Variants in CSNK1G1 observed in about 807,000 individuals in gnomAD.
The protein encoded by CSNK1G1 is casein kinase 1 gamma 1.
A neutral mutation model predicts 59.6 loss-of-function variants in CSNK1G1; 22 were observed. The observed-to-expected ratio is 0.37, with a 90% CI of 0.26 to 0.53. The LOEUF (loss-of-function observed/expected upper bound fraction) is 0.53. CSNK1G1 is among the 20% of genes least tolerant of loss of function. The probability of loss-of-function intolerance (pLI) is 0.89; values close to 1 mark genes in which losing one functional copy is unlikely to be tolerated. For missense variants in CSNK1G1, 384 were observed against 519.5 expected (o/e 0.74, Z 2.54); for synonymous variants, 179 against 177.1 (o/e 1.01, Z -0.08).
At chr15:64,275,337 A>G (rs1893549215) in intron 2 of CSNK1G1, among the ~76,000 whole-genome samples, 1 of 152,184 alleles carries the variant, frequency 6.6e-6, no homozygotes, top group Non-Finnish European at 1.5e-5. Context: ...CCCGGCCCAA[A>G]GAGCATCTCT....
At chr15:64,226,584 C>CCA (rs2082465897) in intron 4 of CSNK1G1, among the ~76,000 whole-genome samples, 24 of 118,942 alleles carry the variant, frequency 2.0e-4, no homozygotes, top group African/African-American at 7.3e-4. Context: ...ACAAACAAAC[C>CCA]AAAAAAAAAA....
At chr15:64,182,986 T>C (rs1596057266) in intron 10 of CSNK1G1, among the ~76,000 whole-genome samples, 2 of 152,250 alleles carry the variant, frequency 1.3e-5, no homozygotes, top group East Asian at 1.9e-4. Flanking sequence ...TCTGGCTGCA[T>C]ACCAGTGATA....
intron 2 of CSNK1G1, among the ~76,000 whole-genome samples, chr15:64,281,120 C>T (rs926342878): frequency 6.6e-6 from 1 of 152,174 alleles, no homozygotes; most frequent in African/African-American, 2.4e-5. Context: ...ACCTCATGAT[C>T]CGCCTGCCTC....
intron 1 of CSNK1G1, among the ~76,000 whole-genome samples, chr15:64,335,601 A>C (rs1326601634): frequency 6.6e-6 from 1 of 152,196 alleles, no homozygotes; most frequent in Non-Finnish European, 1.5e-5. Flanking sequence ...ATGAATATTT[A>C]CTTTGTGATT....
At position 64,193,482 on chromosome 15, in the gene CSNK1G1, A is replaced by G. The variant is rs547838015; in HGVS notation, c.1107+9600T>C. On this transcript the variant is annotated intron_variant, in intron 10 of 11. Transcript: ENST00000303052. ...ACTCCAGCCTGGGCAACAGAGTGAG[A>G]CTCTGTCTCAAAAAAAAAAAAGTAT... 3.9e-5 allele frequency among the ~76,000 whole-genome samples: 3 copies of G among 77,664 alleles called. No homozygotes were observed. The East Asian group carries it at 1.0e-3, about 27-fold the overall frequency. The allele number at this position is 77,664 out of a possible 152,430, so 51.0% of individuals were successfully genotyped here. A position where few individuals can be genotyped will look rare whatever the true frequency, so the allele number is the denominator to read the frequency against.
Position 64,171,663 on chromosome 15 carries a change from G to C in CSNK1G1, c.*268C>G. 1.9e-6 allele frequency: 1 copy of C among 533,354 alleles called. No individual in the cohort carries two copies. Among genetic ancestry groups the C allele is most frequent in the South Asian group, 2.4e-5 (1 of 41,098 alleles). The allele number at this position is 533,354 out of a possible 1,614,324, so 33.0% of individuals were successfully genotyped here. On this transcript the variant is annotated 3_prime_UTR_variant, in exon 12 of 12. Transcript: ENST00000303052. This position sits in a 1 kb window ranked among gnomAD's most constrained non-coding sequence, Gnocchi z 4.8. ...CACCTTCACTGTAAACAATGGGAAG[G>C]AGAGTCAACCAGGCAGCCCTATGGG...
chr15:64,329,221 AT>A (rs1896997296), intron 1 of CSNK1G1, among the ~76,000 whole-genome samples: 1 of 151,890 alleles, frequency 6.6e-6, no homozygotes, highest in South Asian at 2.1e-4. Flanking sequence ...CAGAATATAC[AT>A]TTTTTTCAGC....
At chr15:64,236,757 C>G (rs1472313985) in intron 4 of CSNK1G1, among the ~76,000 whole-genome samples, 1 of 152,140 alleles carries the variant, frequency 6.6e-6, no homozygotes, top group Non-Finnish European at 1.5e-5. Context: ...AAAAATAGAA[C>G]TACTATTGGA....
chr15:64,173,285 T>A (rs1002201322), intron 11 of CSNK1G1, among the ~76,000 whole-genome samples: 1 of 152,218 alleles, frequency 6.6e-6, no homozygotes, highest in African/African-American at 2.4e-5. Flanking sequence ...TATAAAAAAC[T>A]GGAGAAAGTT....
intron 10 of CSNK1G1, among the ~76,000 whole-genome samples, chr15:64,193,306 AC>A (rs1318679140): frequency 6.6e-6 from 1 of 151,998 alleles, no homozygotes; most frequent in Non-Finnish European, 1.5e-5. Flanking sequence ...CCTGGCCAAC[AC>A]GGTGAAACCC....
chr15:64,305,069 T>A (rs1018301), intron 1 of CSNK1G1, among the ~76,000 whole-genome samples: 133,860 of 151,780 alleles, frequency 0.88, 59,643 homozygotes, highest in Non-Finnish European at 0.95. Context: ...CTTTTTTTTT[T>A]AAATTATGTT....
chr15:64,201,544 AC>A (rs2082107683), intron 10 of CSNK1G1, among the ~76,000 whole-genome samples: 1 of 152,098 alleles, frequency 6.6e-6, no homozygotes, highest in African/African-American at 2.4e-5. Context: ...AGTTTGCTTA[AC>A]CCTTTCTTTT....
chr15:64,172,100 G>A, intron 11 of CSNK1G1, 115 bp from the exon 12 acceptor site: 1 of 891,752 alleles, frequency 1.1e-6, no homozygotes, highest in Non-Finnish European at 1.9e-6. Context: ...CCACCCATAG[G>A]GACCACCCAC....
chr15:64,227,428 C>T (rs1460604807), intron 4 of CSNK1G1, among the ~76,000 whole-genome samples: 1 of 152,174 alleles, frequency 6.6e-6, no homozygotes, highest in African/African-American at 2.4e-5. Context: ...AACAACTATG[C>T]AGAATTACTT....
intron 1 of CSNK1G1, among the ~76,000 whole-genome samples, chr15:64,313,493 C>T (rs1289027114): frequency 2.0e-5 from 3 of 152,076 alleles, no homozygotes; most frequent in Admixed American, 2.0e-4. Context: ...AGCAAACTAA[C>T]ACAAGAACAG....
At chr15:64,208,005 G>C (rs2082204819) in intron 6 of CSNK1G1, among the ~76,000 whole-genome samples, 1 of 152,156 alleles carries the variant, frequency 6.6e-6, no homozygotes, top group Admixed American at 6.5e-5. Flanking sequence ...TGTTAAAACA[G>C]TCCATTCTGG....
chr15:64,217,849 A>T (rs1051616971), intron 4 of CSNK1G1, among the ~76,000 whole-genome samples: 1 of 152,120 alleles, frequency 6.6e-6, no homozygotes, highest in African/African-American at 2.4e-5. Context: ...GAACACTTAA[A>T]AAATTATCTG....
intron 2 of CSNK1G1, among the ~76,000 whole-genome samples, chr15:64,272,238 T>TG: frequency 6.6e-6 from 1 of 151,792 alleles, no homozygotes; most frequent in Middle Eastern, 3.4e-3. Context: ...TCTTTTGAGA[T>TG]GGAGTCTTGC....
At chr15:64,202,028 A>T (rs910457457) in intron 10 of CSNK1G1, among the ~76,000 whole-genome samples, 3 of 152,158 alleles carry the variant, frequency 2.0e-5, no homozygotes. Context: ...AGCCCTTTTT[A>T]AAAATGTCAA....
Sources: allele counts gnomAD v4.1 joint callset (sites outside exome capture counted in the v4.1 genomes callset), GRCh38; gene constraint gnomAD v4.1.1; non-coding constraint Gnocchi (gnomAD v3.1); transcripts MANE v1.5; gene names NCBI Gene and HGNC (gene_info 2026-07-23, HGNC 2026-07-21).